COL21A1: variants seen among roughly 807,000 people sequenced by gnomAD.
The protein encoded by COL21A1 is collagen alpha-1(XXI) chain.
COL21A1 carries 149 observed loss-of-function variants against 137.9 expected under a neutral mutation model. The observed-to-expected ratio is 1.08, with a 90% confidence interval of 0.95 to 1.24. The LOEUF (loss-of-function observed/expected upper bound fraction) is 1.24, where lower values mean the gene tolerates loss of function less well. Among genes scored for constraint, COL21A1 ranks in the 50% most tolerant of loss-of-function variants. The pLI is 0.00. For missense variants in COL21A1, 1,167 were observed against 1,158.4 expected (o/e 1.01, Z -0.11); for synonymous variants, 456 against 391.5 (o/e 1.16, Z -1.95).
chr6:56,084,162 T>G (rs1340621114), intron 17 of COL21A1, among the ~76,000 whole-genome samples: 1 of 151,704 alleles, frequency 6.6e-6, no homozygotes, highest in Non-Finnish European at 1.5e-5. Flanking sequence ...AAACCAGTAG[T>G]CACACTTATA....
At chr6:56,127,502 C>T (rs1472477396) in intron 12 of COL21A1, among the ~76,000 whole-genome samples, 1 of 152,070 alleles carries the variant, frequency 6.6e-6, no homozygotes, top group South Asian at 2.1e-4. Context: ...TTTCTGAGTT[C>T]ATTATCTTGT....
At chr6:56,071,453 T>TA (rs1394860070) in intron 20 of COL21A1, among the ~76,000 whole-genome samples, 1 of 151,580 alleles carries the variant, frequency 6.6e-6, no homozygotes, top group Non-Finnish European at 1.5e-5. Flanking sequence ...TCAAATACTT[T>TA]GATACCTGAT....
At chr6:56,137,833 C>T (rs1296575286) in intron 12 of COL21A1, among the ~76,000 whole-genome samples, 1 of 152,090 alleles carries the variant, frequency 6.6e-6, no homozygotes, top group Non-Finnish European at 1.5e-5. Flanking sequence ...GTTAAATCCA[C>T]TATATTATAG....
chr6:56,386,379 GT>G (rs2094018282), intron 1 of COL21A1, among the ~76,000 whole-genome samples: 1 of 152,210 alleles, frequency 6.6e-6, no homozygotes, highest in South Asian at 2.1e-4. Context: ...GCTATACATA[GT>G]GTTTGGGTGC....
intron 1 of COL21A1, among the ~76,000 whole-genome samples, chr6:56,242,931 T>C (rs1396492647): frequency 6.6e-6 from 1 of 152,182 alleles, no homozygotes; most frequent in African/African-American, 2.4e-5. Flanking sequence ...TTTGTCAACA[T>C]TATCTGATTT....
At chr6:56,171,194 G>A (rs1777019490) in intron 3 of COL21A1, 66 bp from the exon 4 acceptor site, 4 of 1,139,128 alleles carry the variant, frequency 3.5e-6, no homozygotes, top group Admixed American at 2.5e-5. Context: ...GAAAAATCAA[G>A]GGAGAAATAC....
intron 17 of COL21A1, among the ~76,000 whole-genome samples, chr6:56,096,301 G>A (rs1340092154): frequency 6.6e-6 from 1 of 152,058 alleles, no homozygotes; most frequent in Non-Finnish European, 1.5e-5. Flanking sequence ...TTGACTCCTT[G>A]ATGGCCAGGC....
intron 16 of COL21A1, among the ~76,000 whole-genome samples, chr6:56,112,665 G>GC (rs1561876312): frequency 6.7e-6 from 1 of 149,142 alleles, no homozygotes; most frequent in South Asian, 2.1e-4. Flanking sequence ...CACAGAAGAA[G>GC]TTTTTTTTTC....
At position 56,141,200 on chromosome 6, in the gene COL21A1, A is replaced by G. The variant is rs575491634; in HGVS notation, c.1542+585T>C. ...CATGGCCTAAACCTAAGTTCTGTCA[A>G]TGGATGAATGGATAAAGAAATTGTG... On this transcript the variant is annotated intron_variant, in intron 12 of 29. Transcript: ENST00000244728. Among the ~76,000 whole-genome samples the G allele has an allele frequency of 3.3e-5, 5 of 152,332 alleles. No individual in the cohort carries two copies. In the South Asian group the frequency reaches 6.2e-4, roughly 19 times the overall value.
intron 1 of COL21A1, among the ~76,000 whole-genome samples, chr6:56,326,446 A>G (rs964694616): frequency 2.6e-5 from 4 of 151,900 alleles, no homozygotes; most frequent in South Asian, 2.1e-4. Flanking sequence ...TAGCTGCAAC[A>G]TGGGCTGTAG....
intron 1 of COL21A1, among the ~76,000 whole-genome samples, chr6:56,230,080 T>C (rs1256102423): frequency 6.6e-6 from 1 of 151,922 alleles, no homozygotes; most frequent in Non-Finnish European, 1.5e-5. Flanking sequence ...GGTATACATA[T>C]TTCGAATAAA....
At position 56,168,220 on chromosome 6, in the gene COL21A1, T is replaced by G. The variant is rs753045593; in HGVS notation, c.1104A>C (p.Gln368His). The change falls in exon 6 of 30, where the codon CAA becomes CAC. Residue 368 changes from glutamine (Q) to histidine (H), a missense_variant. Coordinates refer to ENST00000244728, the MANE Select transcript of COL21A1 (RefSeq NM_030820.4). The stretch of plus-strand genomic sequence containing the variant: ...GATGTAAGGGCTTGTTTTCAATTTG[T>G]TGGTCATCAATATACAAAGTCACAT... ...EQDVTLYIDD[Q>H]QIENKPLHPV... is the part of the protein sequence containing the mutation. The G allele has an allele frequency of 1.3e-6, 2 of 1,573,104 alleles. No individual in the cohort carries two copies. Among genetic ancestry groups the G allele is most frequent in the South Asian group, 2.4e-5 (2 of 84,190 alleles).
chr6:56,167,271 G>A (rs1405121842), intron 6 of COL21A1, among the ~76,000 whole-genome samples: 1 of 152,106 alleles, frequency 6.6e-6, no homozygotes, highest in East Asian at 1.9e-4. Context: ...AATCTAAAGA[G>A]CATTTTGTCG....
chr6:56,258,157 T>A (rs1763161056), intron 1 of COL21A1, among the ~76,000 whole-genome samples: 1 of 152,076 alleles, frequency 6.6e-6, no homozygotes, highest in South Asian at 2.1e-4. Context: ...AACTTTGGAG[T>A]TTCTGAAATT....
At chr6:56,099,736 C>T (rs1418150865) in intron 17 of COL21A1, among the ~76,000 whole-genome samples, 2 of 151,988 alleles carry the variant, frequency 1.3e-5, no homozygotes, top group African/African-American at 4.8e-5. Context: ...AACAAATAAT[C>T]ACACCCAGTC....
intron 1 of COL21A1, among the ~76,000 whole-genome samples, chr6:56,337,938 G>T (rs1232435798): frequency 1.4e-5 from 2 of 146,714 alleles, no homozygotes; most frequent in Admixed American, 6.9e-5. Context: ...AAGAAAAGGG[G>T]TTTTTTTCTT....
At chr6:56,316,476 A>AAT (rs776151498) in intron 1 of COL21A1, among the ~76,000 whole-genome samples, 1 of 30,358 alleles carries the variant, frequency 3.3e-5, no homozygotes, top group Non-Finnish European at 8.1e-5. Context: ...TTCTAAATAG[A>AAT]CTTTTTTTTT....
chr6:56,304,944 T>G (rs527943041), intron 1 of COL21A1, among the ~76,000 whole-genome samples: 24 of 152,020 alleles, frequency 1.6e-4, no homozygotes, highest in East Asian at 3.9e-4. Context: ...CTTTGTTCTC[T>G]TTGGTTTCAA....
chr6:56,238,386 C>T (rs1782047183), intron 1 of COL21A1, among the ~76,000 whole-genome samples: 1 of 150,112 alleles, frequency 6.7e-6, no homozygotes, highest in East Asian at 2.0e-4. Flanking sequence ...CATGAAGGCA[C>T]CTGCTGAGAA....
Sources: allele counts gnomAD v4.1 joint callset (sites outside exome capture counted in the v4.1 genomes callset), GRCh38; gene constraint gnomAD v4.1.1; transcripts MANE v1.5; gene names NCBI Gene and HGNC (gene_info 2026-07-23, HGNC 2026-07-21).